The following TMC7 variants were observed in gnomAD, a reference collection of about 807,000 sequenced individuals.
TMC7 encodes the protein transmembrane channel-like protein 7.
Under a neutral mutation model 82.9 loss-of-function variants are expected in TMC7, and 54 were observed. The ratio of observed to expected loss-of-function variants is 0.65; its 90% confidence interval spans 0.52 to 0.82. The LOEUF (loss-of-function observed/expected upper bound fraction) is 0.82, where lower values mean the gene tolerates loss of function less well. Among genes scored for constraint, TMC7 ranks in the 40% least tolerant of loss-of-function variants. TMC7 has a pLI of 0.00. For synonymous variants in TMC7, 350 were observed against 337.9 expected (o/e 1.04, Z -0.39); for missense variants, 820 against 901.2 (o/e 0.91, Z 1.15).
rs185185398 is a variant in TMC7, at chr16:19,051,517, C to T, written c.1741-169C>T. ...AACATGCGGTGTTTGGTTTTTTGTCCTTGTGATAGTTTGGATGAAACCTTT... is the reference window on the plus strand; with the variant it reads ...AACATGCGGTGTTTGGTTTTTTGTCTTTGTGATAGTTTGGATGAAACCTTT... On this transcript the variant is annotated intron_variant, in intron 12 of 15. Coordinates refer to ENST00000304381, the MANE Select transcript of TMC7 (RefSeq NM_024847.4). Among the ~76,000 whole-genome samples the T allele has an allele frequency of 2.2e-4, 34 of 151,314 alleles. 1 individual carries two copies. In the East Asian group the frequency reaches 6.1e-3, roughly 27 times the overall value.
rs781731100 is a variant in TMC7, at chr16:19,009,360, A to C, written c.256A>C (p.Ser86Arg). Reference sequence around the variant, plus strand: ...GGAGGACAGAATCGCTGAAAACCTCAGCAGCCATTCTCTTCGAAATTATGC... The same window carrying C: ...GGAGGACAGAATCGCTGAAAACCTCCGCAGCCATTCTCTTCGAAATTATGC... ...QLEDRIAENL[S>R]SHSLRNYALN... is the part of the protein sequence containing the mutation. Residue 86 changes from serine to arginine, a missense_variant, in exon 2 of 16, where the codon AGC becomes CGC. Physicochemically the swap from Ser to Arg is moderately radical, Grantham distance 110. Around this residue, in one of 2 missense-constraint regions of TMC7, gnomAD observed 650 missense variants for 669.9 expected, o/e 0.97. Coordinates refer to ENST00000304381, the MANE Select transcript of TMC7 (RefSeq NM_024847.4). 6.2e-7 allele frequency: 1 copy of C among 1,614,186 alleles called. No homozygotes were observed.
chr16:19,049,178 C>G (rs564201437), intron 12 of TMC7, among the ~76,000 whole-genome samples: 1 of 152,096 alleles, frequency 6.6e-6, no homozygotes, highest in African/African-American at 2.4e-5. Context: ...CATGCGCCAC[C>G]GTGCCAAGCT....
chr16:19,023,149 G>T lies in TMC7; in HGVS notation c.665G>T (p.Gly222Val). 6.2e-7 allele frequency: 1 copy of T among 1,610,078 alleles called. No individual in the cohort carries two copies. Among genetic ancestry groups the T allele is most frequent in the Non-Finnish European group, 8.5e-7 (1 of 1,177,096 alleles). Residue 222 changes from glycine (G) to valine (V), a missense_variant, in exon 5 of 16, where the codon GGA becomes GTA. Gly to Val is a moderately radical substitution (Grantham distance 109). This residue lies in a region of TMC7 where 650 missense variants were observed against 669.9 expected (regional missense o/e 0.97). Transcript: ENST00000304381. ...QCTVYPVSSS[G>V]LIYFYSYIID... ...ACAGTCTATCCAGTAAGCAGTTCTG[G>T]ACTCATTTACTTTTACAGTTATATC...
chr16:19,044,922 T>C lies in TMC7; in HGVS notation c.1376T>C (p.Val459Ala). The C allele has an allele frequency of 1.9e-6, 3 of 1,613,964 alleles. No homozygotes were observed. Among genetic ancestry groups the C allele is most frequent in the East Asian group, 2.2e-5 (1 of 44,840 alleles). Reference sequence around the variant, plus strand: ...CGGCTGGCCACCATATGTGTCCTGGTGTTCACGCTGGGCTCCAAGATCACA... The same window carrying C: ...CGGCTGGCCACCATATGTGTCCTGGCGTTCACGCTGGGCTCCAAGATCACA... Reference protein sequence around the residue: ...FMRLATICVLVFTLGSKITSC... With the variant: ...FMRLATICVLAFTLGSKITSC... Residue 459 changes from valine to alanine, a missense_variant, in exon 10 of 16, where the codon GTG (valine) becomes GCG (alanine). Around this residue, in one of 2 missense-constraint regions of TMC7, gnomAD observed 650 missense variants for 669.9 expected, o/e 0.97. Transcript: ENST00000304381.
chr16:19,030,130 C>A, intron 5 of TMC7, 94 bp from the exon 6 acceptor site: 2 of 1,284,710 alleles, frequency 1.6e-6, no homozygotes, highest in Non-Finnish European at 2.2e-6. Context: ...GGAAAGGGGA[C>A]ACTGGAACTT....
intron 3 of TMC7, among the ~76,000 whole-genome samples, chr16:19,017,906 G>A (rs1008774035): frequency 2.6e-5 from 4 of 152,088 alleles, no homozygotes; most frequent in East Asian, 1.9e-4. Flanking sequence ...TCCTGACCTC[G>A]TCATCCGCCC....
At chr16:19,057,290 A>G (rs915322237) in intron 14 of TMC7, among the ~76,000 whole-genome samples, 8 of 152,246 alleles carry the variant, frequency 5.3e-5, no homozygotes, top group African/African-American at 1.9e-4. Context: ...CTGTTTATTT[A>G]CAGAATCTCT....
chr16:19,008,851 A>G (rs776488606), intron 1 of TMC7, among the ~76,000 whole-genome samples: 4 of 152,136 alleles, frequency 2.6e-5, no homozygotes, highest in Non-Finnish European at 5.9e-5. Context: ...AGATATTTAA[A>G]ATATTTAAAA....
chr16:19,007,467 C>T (rs1276809579), intron 1 of TMC7, among the ~76,000 whole-genome samples: 7 of 152,202 alleles, frequency 4.6e-5, no homozygotes, highest in Non-Finnish European at 1.0e-4. Flanking sequence ...TGCTCATTAA[C>T]TCTTCCTCCA....
At chr16:19,035,845 C>T (rs374617304) in intron 7 of TMC7, 22 bp downstream of exon 7, 102 of 1,548,778 alleles carry the variant, frequency 6.6e-5, no homozygotes, top group Non-Finnish European at 8.4e-5. Flanking sequence ...TGAGTTTGTC[C>T]GTGGTGGGGT....
chr16:18,998,753 C>A (rs2039090182), intron 1 of TMC7, among the ~76,000 whole-genome samples: 1 of 145,918 alleles, frequency 6.9e-6, no homozygotes, highest in African/African-American at 2.5e-5. Flanking sequence ...GACTCTGTCT[C>A]AAAAAAAAAA....
intron 9 of TMC7, among the ~76,000 whole-genome samples, chr16:19,044,165 A>T (rs1199624217): frequency 6.6e-6 from 1 of 150,970 alleles, no homozygotes; most frequent in Non-Finnish European, 1.5e-5. Context: ...ACCACGCCCG[A>T]CATTGGTTTT....
intron 3 of TMC7, among the ~76,000 whole-genome samples, chr16:19,018,815 C>A (rs1300158319): frequency 1.3e-5 from 2 of 152,078 alleles, no homozygotes; most frequent in African/African-American, 2.4e-5. Flanking sequence ...AACCAAAATA[C>A]AAAATTAGAA....
chr16:19,020,853 A>AGAAT (rs1555515835), intron 3 of TMC7, among the ~76,000 whole-genome samples: 5 of 142,490 alleles, frequency 3.5e-5, no homozygotes, highest in Non-Finnish European at 6.1e-5. Context: ...CATGGTGTCA[A>AGAAT]AAATAAATAA....
chr16:18,998,121 A>G (rs1322330544), intron 1 of TMC7, among the ~76,000 whole-genome samples: 1 of 152,310 alleles, frequency 6.6e-6, no homozygotes, highest in African/African-American at 2.4e-5. Context: ...TGCTACAAGG[A>G]CAAAGCTGAG....
At chr16:18,989,984 G>C (rs2038921079) in intron 1 of TMC7, among the ~76,000 whole-genome samples, 1 of 151,698 alleles carries the variant, frequency 6.6e-6, no homozygotes, top group Admixed American at 6.6e-5. Flanking sequence ...AGTCCGAAAA[G>C]AGAGTCAGCA....
At chr16:19,024,064 C>T (rs534248948) in intron 5 of TMC7, among the ~76,000 whole-genome samples, 441 of 152,326 alleles carry the variant, frequency 2.9e-3, no homozygotes, top group Non-Finnish European at 5.4e-3. Flanking sequence ...CCCACCACCA[C>T]CCCAACTCTA....
At chr16:19,001,404 A>T (rs1041025380) in intron 1 of TMC7, among the ~76,000 whole-genome samples, 4 of 151,792 alleles carry the variant, frequency 2.6e-5, no homozygotes, top group Non-Finnish European at 5.9e-5. Context: ...GAGTAGGCTG[A>T]GTGTGGTGGT....
chr16:19,034,590 TC>T (rs1480557728), intron 6 of TMC7, among the ~76,000 whole-genome samples: 1 of 150,650 alleles, frequency 6.6e-6, no homozygotes, highest in African/African-American at 2.5e-5. Flanking sequence ...AGAGTGAGAC[TC>T]CATCTCAAAA....
Sources: gnomAD v4.1 joint callset for allele counts (sites outside exome capture counted in the v4.1 genomes callset) on GRCh38, gnomAD v4.1.1 for gene constraint, gnomAD v4.1.1 regional missense constraint, MANE v1.5 for transcripts, NCBI Gene and HGNC (gene_info 2026-07-23, HGNC 2026-07-21) for gene names.